Variants in MTMR11 observed in about 807,000 individuals in gnomAD.
MTMR11 encodes myotubularin-related protein 11.
A neutral mutation model predicts 100.0 loss-of-function variants in MTMR11; 89 were observed. The ratio of observed to expected loss-of-function variants is 0.89; its 90% CI spans 0.75 to 1.06. The LOEUF (loss-of-function observed/expected upper bound fraction) is 1.06. Ranked by LOEUF, MTMR11 falls within the 50% of genes least tolerant of loss-of-function variation. The pLI is 0.00. For missense variants in MTMR11, 809 were observed against 873.7 expected (o/e 0.93, Z 0.93); for synonymous variants, 336 against 326.3 (o/e 1.03, Z -0.32).
intron 14 of MTMR11, 75 bp from the exon 15 acceptor site, chr1:149,930,622 A>G (rs2092645757): frequency 4.2e-6 from 6 of 1,432,346 alleles, no homozygotes; most frequent in African/African-American, 1.4e-5. Flanking sequence ...TGAGATTCTC[A>G]CCTCTTATTC....
intron 13 of MTMR11, 60 bp downstream of exon 13, chr1:149,931,200 T>C (rs1258801420): frequency 6.2e-7 from 1 of 1,603,806 alleles, no homozygotes; most frequent in Non-Finnish European, 8.5e-7. Flanking sequence ...TACAAAATAA[T>C]TTCTCATTCT....
In MTMR11 at chr1:149,930,436, G is replaced by C; in HGVS notation, c.1576C>G (p.Gln526Glu). The C allele has an allele frequency of 6.2e-7, 1 of 1,614,046 alleles. No individual in the cohort carries two copies. Among genetic ancestry groups the C allele is most frequent in the Non-Finnish European group, 8.5e-7 (1 of 1,179,938 alleles). ...WDWDLRYSNA[Q>E]ILQFQNPGYD... ...CCAGGATTCTGGAATTGTAGTATCT[G>C]TGCATTGCTATAACGTAAATCCCAG... Residue 526 changes from glutamine (Q) to glutamate (E), a missense_variant, in exon 15 of 17, where the codon CAG (glutamine) becomes GAG (glutamate). Physicochemically the swap from Gln to Glu is conservative, Grantham distance 29. Transcript: ENST00000439741.
Position 149,933,935 on chromosome 1 carries a change from G to A in MTMR11, c.691C>T (p.Arg231Cys), listed in dbSNP as rs782730524. Residue 231 changes from arginine to cysteine, a missense_variant, in exon 8 of 17, where the codon CGT (arginine) becomes TGT (cysteine). Transcript: ENST00000439741. ...ERFDVATSLP[R>C]YFWVPNRILD... Reference sequence around the variant, plus strand: ...ATTCGGTTAGGGACCCAGAAGTAACGGGGGAGGCTGTGAAATGAGAGTGAT... The same window carrying A: ...ATTCGGTTAGGGACCCAGAAGTAACAGGGGAGGCTGTGAAATGAGAGTGAT... The A allele has an allele frequency of 1.1e-5, 18 of 1,613,632 alleles. No individual in the cohort carries two copies. Among genetic ancestry groups the A allele is most frequent in the African/African-American group, 9.3e-5 (7 of 74,918 alleles).
In MTMR11 at chr1:149,936,821, C is replaced by T. The variant is rs1448010551; in HGVS notation, c.-174G>A. ...GTGCACGGAGCAGAGTTTGGGGGTC[C>T]TTGGAAAGGTGTGTCCAGCCCAGCC... On this transcript the variant is annotated 5_prime_UTR_variant, in exon 1 of 17. Transcript: ENST00000439741. 2.3e-5 allele frequency: 14 copies of T among 618,906 alleles called. No individual in the cohort carries two copies. Among genetic ancestry groups the T allele is most frequent in the Non-Finnish European group, 4.0e-5 (14 of 351,358 alleles). The allele number at this position is 618,906 out of a possible 1,614,324, so 38.3% of individuals were successfully genotyped here. A position where few individuals can be genotyped will look rare whatever the true frequency, so the allele number is the denominator to read the frequency against.
chr1:149,931,138 G>C, intron 13 of MTMR11, 122 bp downstream of exon 13: 1 of 1,432,102 alleles, frequency 7.0e-7, no homozygotes, highest in Non-Finnish European at 9.4e-7. Context: ...CAGGATCTTC[G>C]TCCCAGCCTA....
At chr1:149,933,263 C>T (rs1240587572) in intron 10 of MTMR11, 143 bp downstream of exon 10, 33 of 1,219,806 alleles carry the variant, frequency 2.7e-5, no homozygotes, top group Middle Eastern at 2.7e-4. Flanking sequence ...GCCGAGACTC[C>T]GTCTCAAGAA....
chr1:149,936,464 G>T, intron 1 of MTMR11, 118 bp downstream of exon 1: 2 of 1,323,990 alleles, frequency 1.5e-6, no homozygotes, highest in African/African-American at 1.5e-5. Flanking sequence ...ATCAGCAGAA[G>T]CTGATAGACA....
intron 2 of MTMR11, 48 bp downstream of exon 2, chr1:149,936,106 C>G: frequency 6.4e-7 from 1 of 1,564,992 alleles, no homozygotes; most frequent in South Asian, 1.1e-5. Flanking sequence ...ACAAGATTGG[C>G]GTAGGATGAA....
Position 149,929,623 on chromosome 1 carries a change from C to G in MTMR11, c.1941G>C (p.Gln647His), listed in dbSNP as rs2092628648. 2 of 1,609,428 alleles carry G rather than the reference C, an allele frequency of 1.2e-6. No individual in the cohort carries two copies. The highest frequency in any genetic ancestry group is 1.1e-5 in the South Asian group (1 of 90,868). ...RCYLRGRPEV[Q>H]MGLSAPTISG... ...CTCCCAGTCTATTTTCCCTTCTTAC[C>G]TGGACCTCAGGCCTTCCCCTCAGGT... The change falls in exon 16 of 17, where the codon CAG (glutamine) becomes CAC (histidine). Residue 647 changes from glutamine (Q) to histidine (H), a missense_variant and splice_region_variant. Transcript: ENST00000439741.
Position 149,935,291 on chromosome 1 carries a change from C to G in MTMR11, c.325+8G>C, listed in dbSNP as rs1553768824. 1.2e-6 allele frequency: 2 copies of G among 1,612,870 alleles called. No homozygotes were observed. Among genetic ancestry groups the G allele is most frequent in the Non-Finnish European group, 1.7e-6 (2 of 1,179,406 alleles). ...TGAACCCCTTCACCAAACCCCCCCC[C>G]AACTTACCAGCCTCTAATCGTCCAA... is the stretch of plus-strand genomic sequence containing the variant. On this transcript the variant is annotated splice_region_variant and intron_variant, in intron 4 of 16. Transcript: ENST00000439741.
At position 149,928,798 on chromosome 1, in the gene MTMR11, G is replaced by A; in HGVS notation, c.*331C>T. On this transcript the variant is annotated 3_prime_UTR_variant, in exon 17 of 17. Coordinates refer to ENST00000439741, the MANE Select transcript of MTMR11 (RefSeq NM_001145862.2). ...GAACTTGGAATTAAAGCAGCAGCAA[G>A]GCGAGGTGAGAATGCGATTTCTAGG... is the stretch of plus-strand genomic sequence containing the variant. 7.0e-7 allele frequency: 1 copy of A among 1,428,694 alleles called. No homozygotes were observed. Among genetic ancestry groups the A allele is most frequent in the South Asian group, 1.1e-5 (1 of 87,048 alleles). 88.5% of individuals were successfully genotyped at this position (1,428,694 alleles called of 1,614,324 possible).
rs185127068 is a variant in MTMR11 at position 149,933,534 on chromosome 1, G to T, written c.861-4C>A. 5.6e-5 allele frequency: 91 copies of T among 1,614,074 alleles called. No homozygotes were observed. The African/African-American group carries it at 1.0e-3, about 18-fold the overall frequency. On this transcript the variant is annotated splice_polypyrimidine_tract_variant and splice_region_variant and intron_variant, in intron 9 of 16. Coordinates refer to ENST00000439741, the MANE Select transcript of MTMR11 (RefSeq NM_001145862.2). ...CTGGAGCATCAACTCCACTGCTCTG[G>T]AGGGGAGGGAGTCAGGAAATAAGGA...
At chr1:149,931,028 G>T in intron 13 of MTMR11, 63 bp from the exon 14 acceptor site, 1 of 1,474,352 alleles carries the variant, frequency 6.8e-7, no homozygotes, top group South Asian at 1.4e-5. Context: ...ATGACGAGAT[G>T]ATAAGGGAAT....
intron 11 of MTMR11, 106 bp from the exon 12 acceptor site, chr1:149,932,120 C>T (rs1364988149): frequency 1.4e-6 from 2 of 1,382,706 alleles, no homozygotes; most frequent in Admixed American, 1.7e-5. Context: ...AATCCTACCC[C>T]TCCTCCTTCT....
chr1:149,931,986 A>C lies in MTMR11; in HGVS notation c.1081T>G (p.Ser361Ala), dbSNP rs2092666230. The C allele has an allele frequency of 1.9e-6, 3 of 1,613,940 alleles. No homozygotes were observed. Among genetic ancestry groups the C allele is most frequent in the Admixed American group, 1.7e-5 (1 of 60,000 alleles). Residue 361 changes from serine (S) to alanine (A), a missense_variant, in exon 12 of 17, where the codon TCA (serine) becomes GCA (alanine). Coordinates refer to ENST00000439741, the MANE Select transcript of MTMR11 (RefSeq NM_001145862.2). ...RACLRKASDI[S>A]VLVTSRVRSV... is the part of the protein sequence containing the mutation. The stretch of plus-strand genomic sequence containing the variant: ...CGAACCCTGGATGTCACTAATACTG[A>C]AATGTCACTGGCCTTTCGAAGACAA...
chr1:149,935,768 C>T (rs955645386), intron 2 of MTMR11, 63 bp from the exon 3 acceptor site: 3 of 1,490,040 alleles, frequency 2.0e-6, no homozygotes, highest in Admixed American at 2.3e-5. Flanking sequence ...CTTGGATACA[C>T]CCACCCCTCC....
At chr1:149,929,945 CAGAG>C (rs782568910) in intron 15 of MTMR11, 29 bp from the exon 16 acceptor site, 3 of 1,591,048 alleles carry the variant, frequency 1.9e-6, no homozygotes, top group Non-Finnish European at 2.6e-6. Flanking sequence ...CAACTGGCAA[CAGAG>C]AGACCAGATA....
Position 149,930,444 on chromosome 1 carries a change from C to T in MTMR11, c.1568G>A (p.Ser523Asn), listed in dbSNP as rs374779123. The change falls in exon 15 of 17, where the codon AGC (serine) becomes AAC (asparagine). Residue 523 changes from serine to asparagine, a missense_variant. By Grantham distance (46) the Ser-to-Asn change is conservative. Transcript: ENST00000439741. ...LSVWDWDLRY[S>N]NAQILQFQNP... ...CTGGAATTGTAGTATCTGTGCATTG[C>T]TATAACGTAAATCCCAGTCCCAGAC... The T allele has an allele frequency of 1.2e-6, 2 of 1,613,926 alleles. No individual in the cohort carries two copies. Among genetic ancestry groups the T allele is most frequent in the Non-Finnish European group, 1.7e-6 (2 of 1,179,958 alleles).
In MTMR11 at chr1:149,930,776, A is replaced by G; in HGVS notation, c.1464+16T>C. 6.5e-7 allele frequency: 1 copy of G among 1,534,876 alleles called. No homozygotes were observed. Among genetic ancestry groups the G allele is most frequent in the Non-Finnish European group, 8.7e-7 (1 of 1,145,302 alleles). ...AATGGAAAAAAAAACACGAGTCAAA[A>G]ATAGAAGTCACTGACCTGTCCGCTC... On this transcript the variant is annotated intron_variant, in intron 14 of 16. Transcript: ENST00000439741.
Sources: gnomAD v4.1 joint callset for allele counts on GRCh38, gnomAD v4.1.1 for gene constraint, MANE v1.5 for transcripts, NCBI Gene and HGNC (gene_info 2026-07-23, HGNC 2026-07-21) for gene names.